NEMP2: variants seen among roughly 807,000 people sequenced by gnomAD.
NEMP2 encodes the protein UPF0571 transmembrane protein.
In NEMP2, 53 loss-of-function variants were observed where a neutral mutation model predicts 54.2. The observed-to-expected ratio is 0.98, with a 90% CI of 0.78 to 1.23. The LOEUF (loss-of-function observed/expected upper bound fraction) is 1.23. Ranked by LOEUF, NEMP2 falls within the 50% of genes most tolerant of loss-of-function variation. The pLI, the probability that NEMP2 is intolerant of heterozygous loss-of-function variation, is 0.00. For synonymous variants in NEMP2, 197 were observed against 190.3 expected (o/e 1.04, Z -0.29); for missense variants, 455 against 511.3 (o/e 0.89, Z 1.06).
the NEMP2 span, chr2:190,463,785 A>G: frequency 8.1e-6 from 6 of 744,404 alleles, no homozygotes; most frequent in South Asian, 3.6e-4. The surrounding 1 kb of genome is among the most constrained non-coding windows in gnomAD (Gnocchi z 4.4). Flanking sequence ...ACGCTACTGC[A>G]CTCCAGCCTG....
Position 190,519,978 on chromosome 2 carries a change from T to C in NEMP2, c.214-795A>G, listed in dbSNP as rs1235032598. 6.6e-6 allele frequency among the ~76,000 whole-genome samples: 1 copy of C among 152,158 alleles called. No individual in the cohort carries two copies. The highest frequency in any genetic ancestry group is 1.5e-5 in the Non-Finnish European group (1 of 68,022). On this transcript the variant is annotated intron_variant, in intron 2 of 8. Transcript: ENST00000409150. The surrounding 1 kb of genome is among the most constrained non-coding windows in gnomAD (Gnocchi z 5.4). ...AAAGTATTTCTTAAATTAAGGTATG[T>C]AGGGTTTTTTTAAAGATATAATTCT...
At chr2:190,576,425 AAG>A in the NEMP2 span, among the ~76,000 whole-genome samples, 3 of 152,214 alleles carry the variant, frequency 2.0e-5, no homozygotes, top group Non-Finnish European at 4.4e-5. Flanking sequence ...TTGTTGATGG[AAG>A]AGAGTACTTA....
At chr2:190,454,881 C>T in the NEMP2 span, among the ~76,000 whole-genome samples, 3 of 151,406 alleles carry the variant, frequency 2.0e-5, no homozygotes, top group African/African-American at 2.4e-5. The surrounding 1 kb of genome is among the most constrained non-coding windows in gnomAD (Gnocchi z 4.6). Context: ...GGAGTGAGTC[C>T]GGCAACGGCA....
the NEMP2 span, among the ~76,000 whole-genome samples, chr2:190,646,195 C>T: frequency 6.6e-6 from 1 of 152,226 alleles, no homozygotes; most frequent in African/African-American, 2.4e-5. Flanking sequence ...TCTGGGATGC[C>T]TCCAAGAACA....
the NEMP2 span, among the ~76,000 whole-genome samples, chr2:190,623,609 C>T: frequency 4.6e-5 from 7 of 152,072 alleles, no homozygotes; most frequent in Non-Finnish European, 8.8e-5. Flanking sequence ...AACTGAATAA[C>T]CAGATGCAGA....
At chr2:190,524,298 A>C (rs1455680792) in intron 2 of NEMP2, among the ~76,000 whole-genome samples, 1 of 152,192 alleles carries the variant, frequency 6.6e-6, no homozygotes, top group Non-Finnish European at 1.5e-5. Flanking sequence ...ATCATCAATG[A>C]ATGATAAACT....
At position 190,533,144 on chromosome 2, in the gene NEMP2, G is replaced by C. The variant is rs1469451253; in HGVS notation, c.97+1415C>G. Among the ~76,000 whole-genome samples the C allele has an allele frequency of 6.6e-6, 1 of 152,144 alleles. No homozygotes were observed. The highest frequency in any genetic ancestry group is 2.4e-5 in the African/African-American group (1 of 41,410). On this transcript the variant is annotated intron_variant, in intron 1 of 8. Transcript: ENST00000409150. This position sits in a 1 kb window ranked among gnomAD's most constrained non-coding sequence, Gnocchi z 4.3. ...AAAAACATCTTCATTTTACTCAAGA[G>C]AAAACTACGGTCCATAAAGACTCTG...
the NEMP2 span, among the ~76,000 whole-genome samples, chr2:190,599,700 C>T: frequency 1.3e-5 from 2 of 152,124 alleles, no homozygotes; most frequent in African/African-American, 4.8e-5. Flanking sequence ...TGATATAAGC[C>T]AGGTGTTCAC....
At position 190,531,023 on chromosome 2, in the gene NEMP2, A is replaced by T. The variant is rs977390022; in HGVS notation, c.97+3536T>A. 1.3e-5 allele frequency among the ~76,000 whole-genome samples: 2 copies of T among 152,254 alleles called. No homozygotes were observed. The highest frequency in any genetic ancestry group is 2.9e-5 in the Non-Finnish European group (2 of 68,042). ...TACCAAAAATAAAAAATTGGCCAGG[A>T]TCATAATTCAGTCTCAAAAATAAAT... On this transcript the variant is annotated intron_variant, in intron 1 of 8. Coordinates refer to ENST00000409150, the MANE Select transcript of NEMP2 (RefSeq NM_001142645.2). The surrounding 1 kb of genome is among the most constrained non-coding windows in gnomAD (Gnocchi z 4.7).
the NEMP2 span, among the ~76,000 whole-genome samples, chr2:190,593,198 A>G: frequency 2.0e-5 from 3 of 152,250 alleles, no homozygotes; most frequent in African/African-American, 7.2e-5. This position sits in a 1 kb window ranked among gnomAD's most constrained non-coding sequence, Gnocchi z 4.5. Flanking sequence ...GGCATCTGCC[A>G]TGCCCTAGCT....
At chr2:190,539,569 C>T (rs1254581523), upstream of NEMP2, among the ~76,000 whole-genome samples, 3 of 151,920 alleles carry the variant, frequency 2.0e-5, no homozygotes, top group African/African-American at 7.3e-5. This position sits in a 1 kb window ranked among gnomAD's most constrained non-coding sequence, Gnocchi z 4.1. Flanking sequence ...TTAATTATTC[C>T]AATCCATGAA....
the NEMP2 span, among the ~76,000 whole-genome samples, chr2:190,633,636 A>G: frequency 6.6e-6 from 1 of 152,092 alleles, no homozygotes; most frequent in African/African-American, 2.4e-5. Context: ...TTCATCTCCC[A>G]TGTCAACTGG....
At chr2:190,581,839 T>TGTTA in the NEMP2 span, among the ~76,000 whole-genome samples, 1 of 152,150 alleles carries the variant, frequency 6.6e-6, no homozygotes, top group Non-Finnish European at 1.5e-5. Context: ...AAGAGATGAC[T>TGTTA]GTTAAAGTTT....
chr2:190,465,872 A>C, the NEMP2 span, among the ~76,000 whole-genome samples: 1 of 152,198 alleles, frequency 6.6e-6, no homozygotes, highest in South Asian at 2.1e-4. The surrounding 1 kb of genome is among the most constrained non-coding windows in gnomAD (Gnocchi z 4.6). Flanking sequence ...ATGCACCTGT[A>C]ATCTCAGCTA....
At chr2:190,534,942 C>T (rs1290500266), upstream of NEMP2, 3 of 298,064 alleles carry the variant, frequency 1.0e-5, no homozygotes, top group African/African-American at 4.4e-5. Context: ...GCCTCCGGGC[C>T]TCCAGCGCAC....
At chr2:190,484,530 C>T in the NEMP2 span, among the ~76,000 whole-genome samples, 1 of 152,022 alleles carries the variant, frequency 6.6e-6, no homozygotes, top group African/African-American at 2.4e-5. Flanking sequence ...TGGGAAATGG[C>T]GGAGGGTTTT....
the NEMP2 span, among the ~76,000 whole-genome samples, chr2:190,571,912 GTC>G: frequency 6.6e-6 from 1 of 151,958 alleles, no homozygotes; most frequent in African/African-American, 2.4e-5. Flanking sequence ...TAGATTCTTG[GTC>G]TCTCTACCCT....
chr2:190,426,434 T>TTCAAGCATGTTTATAATTGCCTA, the NEMP2 span, among the ~76,000 whole-genome samples: 1 of 152,208 alleles, frequency 6.6e-6, no homozygotes, highest in Non-Finnish European at 1.5e-5. This position sits in a 1 kb window ranked among gnomAD's most constrained non-coding sequence, Gnocchi z 4.7. Flanking sequence ...TTTGTTTTGT[T>TTCAAGCATGTTTATAATTGCCTA]TCAAGCATGT....
chr2:190,432,084 A>C, the NEMP2 span, among the ~76,000 whole-genome samples: 1 of 152,188 alleles, frequency 6.6e-6, no homozygotes, highest in Admixed American at 6.5e-5. Flanking sequence ...AATCCTTGGT[A>C]ATTACTCATA....
Sources: gnomAD v4.1 joint callset for allele counts (sites outside exome capture counted in the v4.1 genomes callset) on GRCh38, gnomAD v4.1.1 for gene constraint, Gnocchi (gnomAD v3.1) non-coding constraint, MANE v1.5 for transcripts, NCBI Gene and HGNC (gene_info 2026-07-23, HGNC 2026-07-21) for gene names.